Variants in AIG1 observed in about 807,000 individuals in gnomAD.
AIG1 encodes androgen-induced gene 1 protein.
A neutral mutation model predicts 31.4 loss-of-function variants in AIG1; 23 were observed. The observed-to-expected ratio is 0.73, with a 90% CI of 0.53 to 1.04. The LOEUF (loss-of-function observed/expected upper bound fraction) is 1.04, where lower values mean the gene tolerates loss of function less well. Among genes scored for constraint, AIG1 ranks in the 50% least tolerant of loss-of-function variants. The pLI, the probability that AIG1 is intolerant of heterozygous loss-of-function variation, is 0.00. For missense variants in AIG1, 274 were observed against 295.0 expected, an observed-to-expected ratio of 0.93 and a Z score of 0.52; for synonymous variants, 100 against 110.5, an observed-to-expected ratio of 0.90 and a Z score of 0.60.
chr6:143,153,335 GA>G (rs1261078422), intron 2 of AIG1, among the ~76,000 whole-genome samples: 15 of 152,062 alleles, frequency 9.9e-5, no homozygotes, highest in South Asian at 4.2e-4. Flanking sequence ...AAATGCTTGA[GA>G]TTTTATTAAT....
chr6:143,271,282 A>G (rs902383152), intron 3 of AIG1, among the ~76,000 whole-genome samples: 5 of 152,208 alleles, frequency 3.3e-5, no homozygotes, highest in Admixed American at 1.3e-4. Context: ...CCCCTTGGAG[A>G]TGATTCGTTT....
Position 143,205,215 on chromosome 6 carries a change from C to T in AIG1, c.399+40032C>T, listed in dbSNP as rs558243364. On this transcript the variant is annotated intron_variant, in intron 3 of 5. Transcript: ENST00000357847. ...CGTGCTTTTAAGGGATGGAGCACACCAGCCATGAACTAAGGCTGGAGTAGC... is the reference window on the plus strand; with the variant it reads ...CGTGCTTTTAAGGGATGGAGCACACTAGCCATGAACTAAGGCTGGAGTAGC... Among the ~76,000 whole-genome samples, 21 of 152,266 alleles carry T rather than the reference C, an allele frequency of 1.4e-4. No individual in the cohort carries two copies. The South Asian group carries it at 4.1e-3, about 30-fold the overall frequency.
chr6:143,122,374 A>C (rs1170414314), intron 1 of AIG1, among the ~76,000 whole-genome samples: 1 of 152,184 alleles, frequency 6.6e-6, no homozygotes, highest in African/African-American at 2.4e-5. Context: ...TTAGAATTTA[A>C]ACATATACTT....
At chr6:143,296,891 G>A (rs1238705775) in intron 4 of AIG1, among the ~76,000 whole-genome samples, 1 of 152,130 alleles carries the variant, frequency 6.6e-6, no homozygotes, top group Non-Finnish European at 1.5e-5. Flanking sequence ...AAAGATCTGG[G>A]TACATCTTGA....
chr6:143,273,223 T>C (rs1354792003), intron 3 of AIG1, among the ~76,000 whole-genome samples: 2 of 152,232 alleles, frequency 1.3e-5, no homozygotes, highest in African/African-American at 2.4e-5. Context: ...GATGCTGATA[T>C]CTACGAATAA....
intron 3 of AIG1, among the ~76,000 whole-genome samples, chr6:143,282,117 T>C (rs1797376592): frequency 6.6e-6 from 1 of 152,218 alleles, no homozygotes; most frequent in Admixed American, 6.5e-5. Context: ...AATAAGCATA[T>C]TCTGATTGGT....
At chr6:143,342,521 C>T, downstream of AIG1, 1 of 810,570 alleles carries the variant, frequency 1.2e-6, no homozygotes, top group Non-Finnish European at 2.2e-6. Flanking sequence ...ATCTTTCTCC[C>T]TATCCTATAA....
intron 3 of AIG1, among the ~76,000 whole-genome samples, chr6:143,257,487 AT>A (rs1216224481): frequency 6.6e-6 from 1 of 152,214 alleles, no homozygotes; most frequent in Non-Finnish European, 1.5e-5. Flanking sequence ...TACACAGTGA[AT>A]TTTTGTATGT....
chr6:143,342,293 G>T, downstream of AIG1: 3 of 685,234 alleles, frequency 4.4e-6, no homozygotes, highest in South Asian at 4.5e-5. Context: ...GCGGCTCAGC[G>T]TGGGCTCCCC....
Position 143,329,010 on chromosome 6 carries a change from G to A in AIG1, c.516-4272G>A, listed in dbSNP as rs536649530. On this transcript the variant is annotated intron_variant, in intron 4 of 5. Coordinates refer to ENST00000357847, the MANE Select transcript of AIG1 (RefSeq NM_016108.4). The surrounding 1 kb of genome is among the most constrained non-coding windows in gnomAD (Gnocchi z 4.9). ...GGGCAAGGCCATGAGTCATCTTTGT[G>A]CAGAGAATTGAGCCCTGATAAAAAT... Among the ~76,000 whole-genome samples, 29 of 152,316 alleles carry A rather than the reference G, an allele frequency of 1.9e-4. No individual in the cohort carries two copies. In the East Asian group the frequency reaches 5.6e-3, roughly 29 times the overall value.
At chr6:143,156,497 G>T (rs565144006) in intron 2 of AIG1, among the ~76,000 whole-genome samples, 1 of 152,322 alleles carries the variant, frequency 6.6e-6, no homozygotes, top group African/African-American at 2.4e-5. Context: ...GGTGGAGATT[G>T]TAAAGAATGT....
intron 3 of AIG1, among the ~76,000 whole-genome samples, chr6:143,203,763 TGA>T (rs1472935428): frequency 5.3e-5 from 8 of 152,308 alleles, no homozygotes; most frequent in Non-Finnish European, 1.5e-5. Flanking sequence ...GTATCATGGA[TGA>T]GACACCTACA....
chr6:143,236,919 G>A (rs1793849131), intron 3 of AIG1, among the ~76,000 whole-genome samples: 1 of 152,144 alleles, frequency 6.6e-6, no homozygotes, highest in Non-Finnish European at 1.5e-5. Context: ...TGTGCTACAT[G>A]TTTTATGTTC....
rs1776576818 is a variant in AIG1 at position 143,326,002 on chromosome 6, G to T, written c.516-7280G>T. Among the ~76,000 whole-genome samples, 1 of 152,220 alleles carries T rather than the reference G, an allele frequency of 6.6e-6. No individual in the cohort carries two copies. Among genetic ancestry groups the T allele is most frequent in the Admixed American group, 6.5e-5 (1 of 15,290 alleles). ...TAAAGATTTAACAACCAGCTCTCATGACAATCTCCAGCACGCCACACTCAT... is the reference window on the plus strand; with the variant it reads ...TAAAGATTTAACAACCAGCTCTCATTACAATCTCCAGCACGCCACACTCAT... On this transcript the variant is annotated intron_variant, in intron 4 of 5. Transcript: ENST00000357847. The surrounding 1 kb of genome is among the most constrained non-coding windows in gnomAD (Gnocchi z 4.5).
chr6:143,302,971 G>A (rs1324221344), intron 4 of AIG1, among the ~76,000 whole-genome samples: 1 of 152,046 alleles, frequency 6.6e-6, no homozygotes, highest in African/African-American at 2.4e-5. Flanking sequence ...TTCTCTGATG[G>A]CCAGTGATGG....
At chr6:143,091,118 A>G (rs769152471) in intron 1 of AIG1, among the ~76,000 whole-genome samples, 6 of 152,140 alleles carry the variant, frequency 3.9e-5, no homozygotes, top group Admixed American at 1.3e-4. Context: ...CAAGTGTGTC[A>G]TGACGTTGCA....
intron 2 of AIG1, among the ~76,000 whole-genome samples, chr6:143,155,675 G>C (rs1337535707): frequency 6.6e-6 from 1 of 152,156 alleles, no homozygotes; most frequent in Non-Finnish European, 1.5e-5. Flanking sequence ...TTTGAAATGG[G>C]TTGTTTTTTA....
At chr6:143,110,211 C>T (rs1781149988) in intron 1 of AIG1, among the ~76,000 whole-genome samples, 1 of 152,158 alleles carries the variant, frequency 6.6e-6, no homozygotes, top group Admixed American at 6.5e-5. Flanking sequence ...TGATACCATA[C>T]CATTCCGATG....
At chr6:143,090,913 C>T (rs1240734277) in intron 1 of AIG1, among the ~76,000 whole-genome samples, 5 of 152,190 alleles carry the variant, frequency 3.3e-5, no homozygotes, top group African/African-American at 7.2e-5. Flanking sequence ...TAGCATTTTA[C>T]CCACAATAGA....
Sources: gnomAD v4.1 joint callset for allele counts (sites outside exome capture counted in the v4.1 genomes callset) on GRCh38, gnomAD v4.1.1 for gene constraint, Gnocchi (gnomAD v3.1) non-coding constraint, MANE v1.5 for transcripts, NCBI Gene and HGNC (gene_info 2026-07-23, HGNC 2026-07-21) for gene names.